TNFRSF21: variants seen among roughly 807,000 people sequenced by gnomAD.
TNFRSF21 encodes the protein tumor necrosis factor receptor superfamily member 21.
TNFRSF21 carries 19 observed loss-of-function variants against 45.6 expected under a neutral mutation model. The ratio of observed to expected loss-of-function variants is 0.42; its 90% confidence interval spans 0.29 to 0.61. The LOEUF is 0.61. Among genes scored for constraint, TNFRSF21 ranks in the 20% least tolerant of loss-of-function variants. The pLI is 0.23. For synonymous variants in TNFRSF21, 314 were observed against 335.5 expected (o/e 0.94, Z 0.70); for missense variants, 737 against 851.5 (o/e 0.87, Z 1.67).
intron 3 of TNFRSF21, among the ~76,000 whole-genome samples, chr6:47,267,479 T>A (rs1309221711): frequency 1.3e-5 from 2 of 152,196 alleles, no homozygotes. Context: ...CCTAGTGCAG[T>A]TGTTGCCTCT....
intron 4 of TNFRSF21, among the ~76,000 whole-genome samples, chr6:47,242,405 C>T (rs1251014918): frequency 2.0e-5 from 3 of 152,104 alleles, no homozygotes; most frequent in African/African-American, 7.2e-5. Context: ...TCTGTATATA[C>T]CTCGTCTTAG....
chr6:47,246,762 A>T (rs566560985), intron 4 of TNFRSF21, among the ~76,000 whole-genome samples: 92 of 152,310 alleles, frequency 6.0e-4, no homozygotes, highest in African/African-American at 2.1e-3. Flanking sequence ...GCAGAAACCA[A>T]ATGTGAAAGT....
Position 47,309,448 on chromosome 6 carries a change from T to G in TNFRSF21, c.64A>C (p.Thr22Pro), listed in dbSNP as rs774774233. 6.5e-7 allele frequency: 1 copy of G among 1,550,004 alleles called. No homozygotes were observed. The highest frequency in any genetic ancestry group is 1.4e-5 in the African/African-American group (1 of 70,670). Reference sequence around the variant, plus strand: ...AGGGAGCCCGCGATCATCGTGGCTGTGGCTCGGCGGGCGATGCGGCTGCAG... The same window carrying G: ...AGGGAGCCCGCGATCATCGTGGCTGGGGCTCGGCGGGCGATGCGGCTGCAG... The part of the protein sequence containing the change: ...ASCSRIARRA[T>P]ATMIAGSLLL... The change falls in exon 1 of 6, where the codon ACA becomes CCA. Residue 22 changes from threonine (T) to proline (P), a missense_variant. Physicochemically the swap from Thr to Pro is conservative, Grantham distance 38 (BLOSUM62 -1). Transcript: ENST00000296861.
intron 2 of TNFRSF21, among the ~76,000 whole-genome samples, chr6:47,284,646 T>G (rs549575149): frequency 2.6e-5 from 4 of 152,194 alleles, no homozygotes; most frequent in Non-Finnish European, 5.9e-5. Context: ...TAAACTCACA[T>G]TCTTACACCA....
intron 3 of TNFRSF21, among the ~76,000 whole-genome samples, chr6:47,275,305 C>G (rs1762481415): frequency 6.6e-6 from 1 of 152,134 alleles, no homozygotes; most frequent in African/African-American, 2.4e-5. Flanking sequence ...CACATATACA[C>G]CATGGAATAC....
At chr6:47,271,547 C>T (rs1400579900) in intron 3 of TNFRSF21, among the ~76,000 whole-genome samples, 2 of 152,262 alleles carry the variant, frequency 1.3e-5, no homozygotes, top group Middle Eastern at 3.4e-3. Context: ...CCAGTATCAG[C>T]CACTGCAAAA....
At chr6:47,253,901 G>C (rs1408411603) in intron 3 of TNFRSF21, among the ~76,000 whole-genome samples, 2 of 152,216 alleles carry the variant, frequency 1.3e-5, no homozygotes, top group Non-Finnish European at 2.9e-5. Flanking sequence ...TGGATGCCTT[G>C]AAGCCATGGA....
intron 4 of TNFRSF21, among the ~76,000 whole-genome samples, chr6:47,248,910 G>A (rs777518486): frequency 6.6e-6 from 1 of 152,198 alleles, no homozygotes; most frequent in Admixed American, 6.5e-5. Flanking sequence ...TGCTTACAGT[G>A]GGTCACACTC....
intron 3 of TNFRSF21, among the ~76,000 whole-genome samples, chr6:47,271,786 C>T (rs1443718646): frequency 6.6e-6 from 1 of 152,046 alleles, no homozygotes; most frequent in Non-Finnish European, 1.5e-5. Context: ...CACGCACACA[C>T]ACACATAGGC....
At position 47,286,267 on chromosome 6, in the gene TNFRSF21, G is replaced by A; in HGVS notation, c.425C>T (p.Ala142Val). ...TCPPGMFQSN[A>V]TCAPHTVCPV... is the part of the protein sequence containing the mutation. The stretch of plus-strand genomic sequence containing the variant: ...ACACACCGTATGGGGGGCACAGGTA[G>A]CGTTAGACTGGAACATGCCAGGTGG... Residue 142 changes from alanine (A) to valine (V), a missense_variant, in exon 2 of 6, where the codon GCT becomes GTT. Physicochemically the swap from Ala to Val is moderately conservative, Grantham distance 64. Transcript: ENST00000296861. The A allele has an allele frequency of 1.2e-6, 2 of 1,614,212 alleles. No homozygotes were observed. Among genetic ancestry groups the A allele is most frequent in the Middle Eastern group, 1.6e-4 (1 of 6,062 alleles).
At chr6:47,233,201 T>C (rs186796917) in intron 5 of TNFRSF21, among the ~76,000 whole-genome samples, 3 of 152,328 alleles carry the variant, frequency 2.0e-5, no homozygotes, top group South Asian at 2.1e-4. Context: ...ACGTGTAAGA[T>C]AGCAAACAAG....
intron 3 of TNFRSF21, among the ~76,000 whole-genome samples, chr6:47,257,676 T>C (rs920152387): frequency 2.6e-5 from 4 of 152,228 alleles, no homozygotes; most frequent in Admixed American, 2.6e-4. Flanking sequence ...AAGGTATTCA[T>C]AAAGTTCTGT....
chr6:47,257,973 T>C (rs1229871498), intron 3 of TNFRSF21, among the ~76,000 whole-genome samples: 1 of 152,172 alleles, frequency 6.6e-6, no homozygotes, highest in Non-Finnish European at 1.5e-5. Context: ...TTGCTGGAAT[T>C]ATTCTCCTCA....
At chr6:47,244,167 A>C (rs1386611505) in intron 4 of TNFRSF21, among the ~76,000 whole-genome samples, 1 of 150,266 alleles carries the variant, frequency 6.7e-6, no homozygotes, top group East Asian at 1.9e-4. Context: ...TAAAAAATAC[A>C]AAAAAAATTA....
intron 4 of TNFRSF21, among the ~76,000 whole-genome samples, chr6:47,249,610 G>A (rs184898788): frequency 8.4e-4 from 128 of 152,268 alleles, no homozygotes; most frequent in Admixed American, 2.4e-3. Flanking sequence ...TCAATATGCA[G>A]ATAAATCTGT....
intron 3 of TNFRSF21, among the ~76,000 whole-genome samples, chr6:47,264,048 C>T (rs944807055): frequency 6.6e-6 from 1 of 152,184 alleles, no homozygotes; most frequent in Non-Finnish European, 1.5e-5. Flanking sequence ...AATTCCTCTT[C>T]TTCTGCAAAA....
chr6:47,265,038 C>G (rs1762312914), intron 3 of TNFRSF21, among the ~76,000 whole-genome samples: 1 of 152,130 alleles, frequency 6.6e-6, no homozygotes, highest in Non-Finnish European at 1.5e-5. Flanking sequence ...GGAGGGAAAG[C>G]TTTGGTTGCA....
intron 3 of TNFRSF21, among the ~76,000 whole-genome samples, chr6:47,273,015 A>G (rs1278723427): frequency 6.6e-6 from 1 of 152,208 alleles, no homozygotes; most frequent in African/African-American, 2.4e-5. Flanking sequence ...AATTGAGGCA[A>G]TAATTAATAG....
intron 4 of TNFRSF21, among the ~76,000 whole-genome samples, chr6:47,237,025 A>G (rs1228885700): frequency 1.3e-5 from 2 of 152,146 alleles, no homozygotes; most frequent in African/African-American, 2.4e-5. Context: ...ACTTAAGCAC[A>G]TGATTTCCGA....
Sources: gnomAD v4.1 joint callset for allele counts (sites outside exome capture counted in the v4.1 genomes callset) on GRCh38, gnomAD v4.1.1 for gene constraint, MANE v1.5 for transcripts, NCBI Gene and HGNC (gene_info 2026-07-23, HGNC 2026-07-21) for gene names.